DCC: variants seen among roughly 807,000 people sequenced by gnomAD.
DCC encodes the protein netrin receptor DCC.
DCC carries 58 observed loss-of-function variants against 172.5 expected under a neutral mutation model. The observed-to-expected ratio is 0.34, with a 90% CI of 0.27 to 0.42. The LOEUF is 0.42. DCC is among the 10% of genes least tolerant of loss of function. DCC has a pLI of 1.00. For synonymous variants in DCC, 709 were observed against 644.5 expected (o/e 1.10, Z -1.52); for missense variants, 1,740 against 1,791.0 (o/e 0.97, Z 0.51).
At chr18:52,552,463 G>A (rs1233855041) in intron 1 of DCC, among the ~76,000 whole-genome samples, 1 of 151,998 alleles carries the variant, frequency 6.6e-6, no homozygotes, top group African/African-American at 2.4e-5. Context: ...GAAAAATGTG[G>A]CAGTCAATAA....
chr18:53,303,130 T>A (rs2057160068), intron 12 of DCC, among the ~76,000 whole-genome samples: 1 of 152,218 alleles, frequency 6.6e-6, no homozygotes, highest in Admixed American at 6.5e-5. Flanking sequence ...GAACCAAATC[T>A]CTAATTTGTT....
chr18:53,163,288 T>C (rs1225087552), intron 8 of DCC, among the ~76,000 whole-genome samples: 1 of 152,282 alleles, frequency 6.6e-6, no homozygotes, highest in East Asian at 1.9e-4. Flanking sequence ...GTAAAATAAA[T>C]TGTGTTACTG....
At chr18:53,047,002 G>A (rs1022268722) in intron 5 of DCC, among the ~76,000 whole-genome samples, 1 of 151,178 alleles carries the variant, frequency 6.6e-6, no homozygotes, top group Non-Finnish European at 1.5e-5. Flanking sequence ...AAAACATTCT[G>A]TTGTTCTTTT....
intron 28 of DCC, among the ~76,000 whole-genome samples, chr18:53,529,028 TCTCTCTCTCTCA>T (rs2046492846): frequency 6.1e-5 from 4 of 65,390 alleles, no homozygotes; most frequent in South Asian, 6.4e-4. Flanking sequence ...TCTCTCTCTC[TCTCTCTCTCTCA>T]CACACACACA....
At chr18:52,593,188 A>G (rs567898352) in intron 1 of DCC, among the ~76,000 whole-genome samples, 1 of 152,280 alleles carries the variant, frequency 6.6e-6, no homozygotes, top group Non-Finnish European at 1.5e-5. Flanking sequence ...GAAGCTGAAA[A>G]GTTGGCTAAG....
At chr18:53,085,991 C>CTTCTTT (rs2042875697) in intron 7 of DCC, among the ~76,000 whole-genome samples, 1 of 36,748 alleles carries the variant, frequency 2.7e-5, no homozygotes, top group Non-Finnish European at 4.6e-5. Context: ...TTCTTCTTCT[C>CTTCTTT]CTTCTCCTTC....
At chr18:53,104,614 C>A (rs1437658353) in intron 7 of DCC, among the ~76,000 whole-genome samples, 10 of 151,376 alleles carry the variant, frequency 6.6e-5, no homozygotes, top group Non-Finnish European at 7.4e-5. Context: ...TCTGGTAATT[C>A]AAAAAAAATG....
chr18:53,344,895 A>G (rs554637989), intron 15 of DCC, among the ~76,000 whole-genome samples: 1 of 151,174 alleles, frequency 6.6e-6, no homozygotes, highest in East Asian at 1.9e-4. Flanking sequence ...GGAAAAAAAA[A>G]AAAAAGGAAA....
intron 15 of DCC, among the ~76,000 whole-genome samples, chr18:53,364,109 A>G (rs2057976396): frequency 3.3e-5 from 5 of 152,166 alleles, no homozygotes; most frequent in Admixed American, 3.3e-4. Context: ...ACTATTGCCA[A>G]TTATGGTTGA....
rs2036452254 is a variant in DCC at position 52,720,209 on chromosome 18, A to G, written c.92-31845A>G. ...GAGAGGCAAGCATGGCTCAATAGAG[A>G]TCTGTAGAGCTCCATCATCCATATG... On this transcript the variant is annotated intron_variant, in intron 1 of 28. Transcript: ENST00000442544. 3.3e-5 allele frequency among the ~76,000 whole-genome samples: 5 copies of G among 152,208 alleles called. No individual in the cohort carries two copies. The South Asian group carries it at 1.0e-3, about 32-fold the overall frequency.
chr18:52,642,651 T>A (rs77984198), intron 1 of DCC, among the ~76,000 whole-genome samples: 10,570 of 152,146 alleles, frequency 0.069, 505 homozygotes, highest in South Asian at 0.19. Flanking sequence ...AAATCTTCAA[T>A]TTTAATTTAA....
chr18:52,468,931 G>A (rs1988866195), intron 1 of DCC, among the ~76,000 whole-genome samples: 1 of 152,048 alleles, frequency 6.6e-6, no homozygotes, highest in Non-Finnish European at 1.5e-5. Context: ...ACTGTCTTAT[G>A]TTTACCTTTG....
At chr18:52,799,251 G>C (rs1307343481) in intron 2 of DCC, among the ~76,000 whole-genome samples, 1 of 152,174 alleles carries the variant, frequency 6.6e-6, no homozygotes, top group East Asian at 1.9e-4. Context: ...CCATGAAGTT[G>C]TTTATGTTGT....
chr18:52,890,041 A>C (rs10502954), intron 2 of DCC, among the ~76,000 whole-genome samples: 9,681 of 152,236 alleles, frequency 0.064, 398 homozygotes, highest in East Asian at 0.23. Context: ...AAAATATGGT[A>C]TCTGTACCAA....
intron 2 of DCC, among the ~76,000 whole-genome samples, chr18:52,841,616 G>A (rs1268731203): frequency 1.3e-5 from 2 of 152,132 alleles, no homozygotes; most frequent in East Asian, 1.9e-4. Flanking sequence ...TTCTGGAATT[G>A]TATTTGAAAA....
intron 27 of DCC, among the ~76,000 whole-genome samples, chr18:53,515,149 G>A (rs1415822704): frequency 7.9e-5 from 12 of 151,298 alleles, no homozygotes; most frequent in African/African-American, 1.2e-4. Context: ...TTCAATATAC[G>A]CAAATCAATA....
Position 53,487,064 on chromosome 18 carries a change from C to T in DCC, c.3898+106C>T, listed in dbSNP as rs114396939. 3.5e-6 allele frequency: 5 copies of T among 1,420,524 alleles called. No individual in the cohort carries two copies. The East Asian group carries it at 9.6e-5, about 27-fold the overall frequency. The allele number at this position is 1,420,524 out of a possible 1,614,324, so 88.0% of individuals were successfully genotyped here. A position where few individuals can be genotyped will look rare whatever the true frequency, so the allele number is the denominator to read the frequency against. ...TTATCCCTTAGAAAAGTTGATTTCC[C>T]TATGACTGTGGTACTAGAATGTTCC... On this transcript the variant is annotated intron_variant, in intron 26 of 28. Transcript: ENST00000442544.
intron 1 of DCC, among the ~76,000 whole-genome samples, chr18:52,497,780 G>T (rs561914744): frequency 2.6e-5 from 4 of 152,110 alleles, no homozygotes; most frequent in Admixed American, 2.0e-4. Flanking sequence ...GCATCACCAC[G>T]GGGAGCTTGA....
intron 5 of DCC, among the ~76,000 whole-genome samples, chr18:52,935,977 G>T (rs754744981): frequency 6.6e-6 from 1 of 151,990 alleles, no homozygotes; most frequent in Non-Finnish European, 1.5e-5. Flanking sequence ...AGTCATAAAA[G>T]AAGTGCCTTA....
Sources: gnomAD v4.1 joint callset for allele counts (sites outside exome capture counted in the v4.1 genomes callset) on GRCh38, gnomAD v4.1.1 for gene constraint, MANE v1.5 for transcripts, NCBI Gene and HGNC (gene_info 2026-07-23, HGNC 2026-07-21) for gene names.